NCAPG: variants seen among roughly 807,000 people sequenced by gnomAD.
NCAPG encodes non-SMC condensin I complex subunit G.
A neutral mutation model predicts 113.1 loss-of-function variants in NCAPG; 69 were observed. The observed-to-expected ratio is 0.61, with a 90% CI of 0.50 to 0.75. NCAPG has a LOEUF of 0.75. Ranked by LOEUF, NCAPG falls within the 30% of genes least tolerant of loss-of-function variation. The pLI, the probability that NCAPG is intolerant of heterozygous loss-of-function variation, is 0.00. For missense variants in NCAPG, 1,058 were observed against 1,177.0 expected (o/e 0.90, Z 1.48); for synonymous variants, 370 against 415.8 (o/e 0.89, Z 1.34).
rs150499582 is a variant in NCAPG, at chr4:17,812,842, A to G, written c.316-75A>G. ...TTGTAACTTCTTGCATTCCGAATGT[A>G]TAGAGTTCAGATAATATTGATTATT... On this transcript the variant is annotated intron_variant, in intron 2 of 20. Coordinates refer to ENST00000251496, the MANE Select transcript of NCAPG (RefSeq NM_022346.5). The G allele has an allele frequency of 8.3e-5, 103 of 1,242,866 alleles. No individual in the cohort carries two copies. In the East Asian group the frequency reaches 2.4e-3, roughly 28 times the overall value. 77.0% of individuals were successfully genotyped at this position (1,242,866 alleles called of 1,614,324 possible).
intron 14 of NCAPG, among the ~76,000 whole-genome samples, chr4:17,836,957 C>T (rs1722123152): frequency 1.3e-5 from 2 of 152,110 alleles, no homozygotes; most frequent in Non-Finnish European, 1.5e-5. Context: ...AAGCATTTGT[C>T]TAGTCTCCTA....
At chr4:17,839,299 C>T (rs193036261) in intron 16 of NCAPG, among the ~76,000 whole-genome samples, 4 of 152,280 alleles carry the variant, frequency 2.6e-5, no homozygotes, top group East Asian at 1.9e-4. Flanking sequence ...TACTTGTGCA[C>T]GGGCCAGTCA....
intron 6 of NCAPG, 127 bp downstream of exon 6, chr4:17,817,580 T>C (rs1721266040): frequency 2.6e-6 from 2 of 757,346 alleles, no homozygotes; most frequent in East Asian, 2.8e-5. Flanking sequence ...TGTTTTCTTT[T>C]AGTCTGATGA....
chr4:17,837,354 C>A lies in NCAPG; in HGVS notation c.2291+14C>A. The A allele has an allele frequency of 6.3e-7, 1 of 1,586,620 alleles. No homozygotes were observed. Among genetic ancestry groups the A allele is most frequent in the Non-Finnish European group, 8.6e-7 (1 of 1,167,818 alleles). ...TTATGCAAGCAGGTATTGAGTCATA[C>A]TGATAAATCAAAAATCTGACTTGAC... On this transcript the variant is annotated intron_variant, in intron 15 of 20. Coordinates refer to ENST00000251496, the MANE Select transcript of NCAPG (RefSeq NM_022346.5).
At chr4:17,834,562 T>C in intron 14 of NCAPG, 39 bp downstream of exon 14, 1 of 1,271,878 alleles carries the variant, frequency 7.9e-7, no homozygotes, top group Non-Finnish European at 1.1e-6. Flanking sequence ...GAAATGTCAT[T>C]TTCAGCATGT....
chr4:17,832,541 A>G (rs576611526), intron 13 of NCAPG, among the ~76,000 whole-genome samples: 4 of 152,310 alleles, frequency 2.6e-5, no homozygotes, highest in South Asian at 4.1e-4. Context: ...ATTGGGCATG[A>G]TAAGTTTACA....
In NCAPG at chr4:17,815,302, C is replaced by G. The variant is rs576975932; in HGVS notation, c.719C>G (p.Ala240Gly). Reference sequence around the variant, plus strand: ...TTAGCTGAAAAGGTTCATATGAGAGCTATGTCCATTGCTCAGAGAGTAATG... The same window carrying G: ...TTAGCTGAAAAGGTTCATATGAGAGGTATGTCCATTGCTCAGAGAGTAATG... ...QVLAEKVHMRAMSIAQRVMLL... is the reference protein window; with the variant it reads ...QVLAEKVHMRGMSIAQRVMLL... Residue 240 changes from alanine to glycine, a missense_variant, in exon 5 of 21, where the codon GCT (alanine) becomes GGT (glycine). Ala to Gly is a moderately conservative substitution (Grantham distance 60). Coordinates refer to ENST00000251496, the MANE Select transcript of NCAPG (RefSeq NM_022346.5). The G allele has an allele frequency of 1.3e-5, 21 of 1,596,636 alleles. No individual in the cohort carries two copies. The highest frequency in any genetic ancestry group is 1.6e-5 in the Non-Finnish European group (19 of 1,176,066).
In NCAPG at chr4:17,811,002, C is replaced by A. The variant is rs764685732; in HGVS notation, c.-76C>A. ...CTGTCATAGAAGACTACTCGGAGAG[C>A]GCTGCCTCTGGGTTGGCGGGCTGGC... is the stretch of plus-strand genomic sequence containing the variant. On this transcript the variant is annotated 5_prime_UTR_variant, in exon 1 of 21. Coordinates refer to ENST00000251496, the MANE Select transcript of NCAPG (RefSeq NM_022346.5). This position sits in a 1 kb window ranked among gnomAD's most constrained non-coding sequence, Gnocchi z 5.3. 1.2e-6 allele frequency: 1 copy of A among 829,522 alleles called. No individual in the cohort carries two copies. Among genetic ancestry groups the A allele is most frequent in the Non-Finnish European group, 1.8e-6 (1 of 553,924 alleles). 51.4% of individuals were successfully genotyped at this position (829,522 alleles called of 1,614,324 possible).
chr4:17,812,933 G>A lies in NCAPG; in HGVS notation c.332G>A (p.Ser111Asn), dbSNP rs1318947908. ...CTGTTTTAGTCTCATGAAGCAAACA[G>A]CAATGCAGTGAGATTTAGAGTGTGC... The part of the protein sequence containing the change: ...TFLLKSHEAN[S>N]NAVRFRVCLL... The change falls in exon 3 of 21, where the codon AGC becomes AAC. Residue 111 changes from serine to asparagine, a missense_variant. Coordinates refer to ENST00000251496, the MANE Select transcript of NCAPG (RefSeq NM_022346.5). The A allele has an allele frequency of 3.7e-6, 6 of 1,613,746 alleles. 1 individual carries two copies. In the Admixed American group the frequency reaches 1.0e-4, roughly 27 times the overall value.
Position 17,831,005 on chromosome 4 carries a change from T to C in NCAPG, c.1773T>C (p.Pro591=). 6.2e-7 allele frequency: 1 copy of C among 1,611,144 alleles called. No individual in the cohort carries two copies. Among genetic ancestry groups the C allele is most frequent in the South Asian group, 1.1e-5 (1 of 90,512 alleles). The change falls in exon 13 of 21, where the codon CCT becomes CCC. Residue 591 remains proline, a synonymous_variant. Coordinates refer to ENST00000251496, the MANE Select transcript of NCAPG (RefSeq NM_022346.5). ...TTTCTGATTCATTTTAGATTCTTCCTGGAATAATAAGTATTCATCCTGTTG... is the reference window on the plus strand; with the variant it reads ...TTTCTGATTCATTTTAGATTCTTCCCGGAATAATAAGTATTCATCCTGTTG... ...MNGIIESLIL[P]GIISIHPVVR... is the part of the protein sequence containing the mutation.
intron 12 of NCAPG, among the ~76,000 whole-genome samples, chr4:17,829,425 TAGCTTTATTTTTGGAAA>T (rs1721781338): frequency 6.6e-6 from 1 of 152,238 alleles, no homozygotes; most frequent in African/African-American, 2.4e-5. Flanking sequence ...CATTAGAATT[TAGCTTTATTTTTGGAAA>T]AGCAGTTATC....
chr4:17,832,843 G>A (rs564318109), intron 13 of NCAPG, among the ~76,000 whole-genome samples: 1 of 152,248 alleles, frequency 6.6e-6, no homozygotes, highest in South Asian at 2.1e-4. Context: ...TGGAAAGCAA[G>A]TGAAGATAAT....
At position 17,831,030 on chromosome 4, in the gene NCAPG, G is replaced by T. The variant is rs572365623; in HGVS notation, c.1798G>T (p.Val600Leu). 3.1e-6 allele frequency: 5 copies of T among 1,613,370 alleles called. No individual in the cohort carries two copies. The highest frequency in any genetic ancestry group is 1.7e-4 in the Middle Eastern group (1 of 6,056). Residue 600 changes from valine to leucine, a missense_variant, in exon 13 of 21, where the codon GTA becomes TTA. Transcript: ENST00000251496. Reference protein sequence around the residue: ...LPGIISIHPVVRNLAVLCLGC... With the variant: ...LPGIISIHPVLRNLAVLCLGC... Reference sequence around the variant, plus strand: ...TGGAATAATAAGTATTCATCCTGTTGTAAGAAACCTGGCTGTTTTATGCTT... The same window carrying T: ...TGGAATAATAAGTATTCATCCTGTTTTAAGAAACCTGGCTGTTTTATGCTT...
In NCAPG at chr4:17,828,344, T is replaced by G. The variant is rs1335962969; in HGVS notation, c.1720T>G (p.Ser574Ala). 2 of 1,608,708 alleles carry G rather than the reference T, an allele frequency of 1.2e-6. No homozygotes were observed. Among genetic ancestry groups the G allele is most frequent in the East Asian group, 2.3e-5 (1 of 44,360 alleles). The change falls in exon 12 of 21, where the codon TCA (serine) becomes GCA (alanine). Residue 574 changes from serine (S) to alanine (A), a missense_variant. By Grantham distance (99) the Ser-to-Ala change is moderately conservative. Coordinates refer to ENST00000251496, the MANE Select transcript of NCAPG (RefSeq NM_022346.5). ...CYELLKQMSI[S>A]TGLSATMNGI... Reference sequence around the variant, plus strand: ...TGAACTGTTGAAGCAGATGTCCATTTCAACAGGCTTAAGTGCAACCATGAA... The same window carrying G: ...TGAACTGTTGAAGCAGATGTCCATTGCAACAGGCTTAAGTGCAACCATGAA...
intron 12 of NCAPG, among the ~76,000 whole-genome samples, chr4:17,830,552 A>T (rs1043196725): frequency 1.7e-4 from 21 of 126,030 alleles, no homozygotes; most frequent in African/African-American, 7.0e-4. Flanking sequence ...GACTAGTTTC[A>T]CTTTTTTTTT....
At chr4:17,838,560 T>C (rs1424281481) in intron 16 of NCAPG, among the ~76,000 whole-genome samples, 1 of 152,094 alleles carries the variant, frequency 6.6e-6, no homozygotes, top group Non-Finnish European at 1.5e-5. Flanking sequence ...TTGACCAAAA[T>C]TCAGTTAGGC....
At chr4:17,815,219 T>G in intron 4 of NCAPG, 55 bp from the exon 5 acceptor site, 3 of 1,456,628 alleles carry the variant, frequency 2.1e-6, no homozygotes, top group Non-Finnish European at 2.8e-6. Context: ...GATATTCTTA[T>G]GAAATCTATA....
chr4:17,844,322 A>G lies in NCAPG; in HGVS notation c.*897A>G, dbSNP rs1722716175. On this transcript the variant is annotated 3_prime_UTR_variant, in exon 21 of 21. Transcript: ENST00000251496. ...GTCCTCTTTTCTGCAATACCCAACGAAACACCTTTTCTCTTTATTATTCAG... is the reference window on the plus strand; with the variant it reads ...GTCCTCTTTTCTGCAATACCCAACGGAACACCTTTTCTCTTTATTATTCAG... 1 of 152,368 alleles carries G rather than the reference A, an allele frequency of 6.6e-6. No homozygotes were observed. Among genetic ancestry groups the G allele is most frequent in the Non-Finnish European group, 1.5e-5 (1 of 67,854 alleles). The allele number at this position is 152,368 out of a possible 1,614,324, so 9.4% of individuals were successfully genotyped here. A position where few individuals can be genotyped will look rare whatever the true frequency, so the allele number is the denominator to read the frequency against.
At chr4:17,841,251 C>CAGA (rs1722373667) in intron 19 of NCAPG, 1 of 151,882 alleles carries the variant, frequency 6.6e-6, no homozygotes, top group South Asian at 2.1e-4. Flanking sequence ...ATGCTTATTA[C>CAGA]AGAAGAATCA....
Sources: gnomAD v4.1 joint callset for allele counts (sites outside exome capture counted in the v4.1 genomes callset) on GRCh38, gnomAD v4.1.1 for gene constraint, Gnocchi (gnomAD v3.1) non-coding constraint, MANE v1.5 for transcripts, NCBI Gene and HGNC (gene_info 2026-07-23, HGNC 2026-07-21) for gene names.